DOCK8: variants seen among roughly 807,000 people sequenced by gnomAD.
DOCK8 encodes the protein dedicator of cytokinesis protein 8.
A neutral mutation model predicts 245.6 loss-of-function variants in DOCK8; 141 were observed. The observed-to-expected ratio is 0.57, with a 90% CI of 0.50 to 0.66. The LOEUF (loss-of-function observed/expected upper bound fraction) is 0.66, where lower values mean the gene tolerates loss of function less well. Ranked by LOEUF, DOCK8 falls within the 30% of genes least tolerant of loss-of-function variation. DOCK8 has a pLI of 0.00. For missense variants in DOCK8, 2,965 were observed against 2,603.4 expected (o/e 1.14, Z -3.02); for synonymous variants, 1,168 against 970.2 (o/e 1.20, Z -3.79).
At chr9:340,545 C>A in intron 14 of DOCK8, 3 of 510,470 alleles carry the variant, frequency 5.9e-6, no homozygotes, top group South Asian at 3.8e-5. Flanking sequence ...CGCTTGAACC[C>A]AGGAGGCAGA....
intron 1 of DOCK8, among the ~76,000 whole-genome samples, chr9:222,041 G>A (rs1249652848): frequency 6.6e-6 from 1 of 151,924 alleles, no homozygotes; most frequent in Non-Finnish European, 1.5e-5. Flanking sequence ...AGGAGAATCA[G>A]TTGAGCCCAG....
chr9:368,942 G>A (rs1170611808), intron 15 of DOCK8: 5 of 150,546 alleles, frequency 3.3e-5, no homozygotes, highest in Admixed American at 6.6e-5. Flanking sequence ...AAGTAGCTGG[G>A]ATTACAGGCG....
intron 8 of DOCK8, among the ~76,000 whole-genome samples, chr9:326,833 A>C (rs1437687069): frequency 1.3e-5 from 2 of 152,146 alleles, no homozygotes; most frequent in Admixed American, 1.3e-4. Context: ...CTAACAATTC[A>C]CTGGAGAGAA....
intron 1 of DOCK8, among the ~76,000 whole-genome samples, chr9:225,301 A>G (rs2046967666): frequency 6.6e-6 from 1 of 152,110 alleles, no homozygotes; most frequent in African/African-American, 2.4e-5. Flanking sequence ...GAAGGGCAAC[A>G]CCTCTGAGGA....
chr9:387,991 A>G (rs897515430), intron 23 of DOCK8, among the ~76,000 whole-genome samples: 5 of 152,120 alleles, frequency 3.3e-5, no homozygotes, highest in African/African-American at 1.2e-4. Flanking sequence ...CTGCTTGGCT[A>G]TTTTATATAA....
intron 12 of DOCK8, among the ~76,000 whole-genome samples, chr9:338,011 G>A (rs141985499): frequency 1.8e-3 from 278 of 152,180 alleles, no homozygotes; most frequent in Admixed American, 5.0e-3. Flanking sequence ...AAAGTTAGCC[G>A]GGTGTGGTGG....
At chr9:444,791 A>G (rs1055263965) in intron 43 of DOCK8, among the ~76,000 whole-genome samples, 1 of 152,234 alleles carries the variant, frequency 6.6e-6, no homozygotes, top group Non-Finnish European at 1.5e-5. Context: ...GGAAATGGAG[A>G]CAAAGACCAG....
chr9:270,135 G>C (rs979082122), intron 1 of DOCK8, among the ~76,000 whole-genome samples: 2 of 152,170 alleles, frequency 1.3e-5, no homozygotes, highest in Non-Finnish European at 2.9e-5. Context: ...ACGGCTAGTA[G>C]AATACTTACT....
chr9:243,252 C>T (rs1384979846), intron 1 of DOCK8, among the ~76,000 whole-genome samples: 3 of 152,256 alleles, frequency 2.0e-5, no homozygotes, highest in East Asian at 1.9e-4. Context: ...TGTTTCTTTA[C>T]GTGTATAACA....
Position 414,870 on chromosome 9 carries a change from G to T in DOCK8, c.3619G>T (p.Val1207Leu), listed in dbSNP as rs1193793593. Residue 1207 changes from valine to leucine, a missense_variant, in exon 29 of 48, where the codon GTG (valine) becomes TTG (leucine). Val to Leu is a conservative substitution (Grantham distance 32). Transcript: ENST00000432829. Reference sequence around the variant, plus strand: ...GGACCCACGCTGTGTCAAACCAGAGGTGAAGGTCAAAATCGCCGCCCTTTA... The same window carrying T: ...GGACCCACGCTGTGTCAAACCAGAGTTGAAGGTCAAAATCGCCGCCCTTTA... ...DLDPRCVKPE[V>L]KVKIAALYLP... is the part of the protein sequence containing the mutation. 1 of 1,614,098 alleles carries T rather than the reference G, an allele frequency of 6.2e-7. No individual in the cohort carries two copies. Among genetic ancestry groups the T allele is most frequent in the South Asian group, 1.1e-5 (1 of 91,088 alleles).
At chr9:396,268 G>C (rs2054449984) in intron 24 of DOCK8, among the ~76,000 whole-genome samples, 1 of 152,154 alleles carries the variant, frequency 6.6e-6, no homozygotes, top group Non-Finnish European at 1.5e-5. Context: ...CTATAGAACT[G>C]TTTCTGGAAA....
At chr9:462,641 C>T (rs1037100695) in intron 46 of DOCK8, among the ~76,000 whole-genome samples, 1 of 152,232 alleles carries the variant, frequency 6.6e-6, no homozygotes. Flanking sequence ...TGACAGCTGC[C>T]TTGTCACCAG....
Position 325,703 on chromosome 9 carries a change from G to T in DOCK8, c.860G>T (p.Ser287Ile), listed in dbSNP as rs2050737085. Reference protein sequence around the residue: ...FEIEIEPLFASIALYDVKERK... With the variant: ...FEIEIEPLFAIIALYDVKERK... ...ATTGAAATTGAGCCCCTGTTTGCCA[G>T]CATTGCCCTCTACGATGTTAAAGAA... Residue 287 changes from serine to isoleucine, a missense_variant, in exon 8 of 48, where the codon AGC (serine) becomes ATC (isoleucine). By Grantham distance (142) the Ser-to-Ile change is moderately radical. This residue lies in a region of DOCK8 where 2,825 missense variants were observed against 2,453.5 expected (regional missense o/e 1.15). Transcript: ENST00000432829. The T allele has an allele frequency of 6.2e-7, 1 of 1,614,030 alleles. No individual in the cohort carries two copies. The highest frequency in any genetic ancestry group is 8.5e-7 in the Non-Finnish European group (1 of 1,179,946).
At chr9:318,455 C>A (rs1035703515) in intron 7 of DOCK8, among the ~76,000 whole-genome samples, 2 of 152,210 alleles carry the variant, frequency 1.3e-5, no homozygotes, top group African/African-American at 4.8e-5. Context: ...CTTATGGTCT[C>A]AAAATTCCTA....
intron 22 of DOCK8, among the ~76,000 whole-genome samples, chr9:383,180 A>G (rs1021543021): frequency 6.6e-6 from 1 of 151,956 alleles, no homozygotes; most frequent in African/African-American, 2.4e-5. Flanking sequence ...CGGGCGGATT[A>G]CTTGAGGCCA....
At chr9:378,682 A>G (rs774772617) in intron 20 of DOCK8, among the ~76,000 whole-genome samples, 9 of 152,194 alleles carry the variant, frequency 5.9e-5, no homozygotes, top group Non-Finnish European at 1.3e-4. Context: ...AAAAATATTT[A>G]TATGTTTTGA....
chr9:250,802 C>T (rs550661925), intron 1 of DOCK8, among the ~76,000 whole-genome samples: 1 of 152,268 alleles, frequency 6.6e-6, no homozygotes, highest in South Asian at 2.1e-4. Flanking sequence ...TAAAACAGGA[C>T]AGGAAGGAAG....
intron 1 of DOCK8, among the ~76,000 whole-genome samples, chr9:232,262 G>C (rs2047134275): frequency 6.6e-6 from 1 of 152,140 alleles, no homozygotes; most frequent in Non-Finnish European, 1.5e-5. Context: ...GATCATGGTG[G>C]ATAAGCTTTT....
intron 23 of DOCK8, among the ~76,000 whole-genome samples, chr9:387,442 CA>C (rs139131854): frequency 0.023 from 1,797 of 76,916 alleles, 29 homozygotes; most frequent in African/African-American, 0.064. Flanking sequence ...GACTCCATTT[CA>C]AAAAAAAAAA....
Sources: gnomAD v4.1 joint callset for allele counts (sites outside exome capture counted in the v4.1 genomes callset) on GRCh38, gnomAD v4.1.1 for gene constraint, gnomAD v4.1.1 regional missense constraint, MANE v1.5 for transcripts, NCBI Gene and HGNC (gene_info 2026-07-23, HGNC 2026-07-21) for gene names.